Variants in ARHGAP35 observed in about 807,000 individuals in gnomAD.
The protein encoded by ARHGAP35 is Rho GTPase activating protein 35.
Under a neutral mutation model 111.1 loss-of-function variants are expected in ARHGAP35, and 15 were observed. That is an observed-to-expected ratio of 0.13 (90% CI 0.09 to 0.21). The LOEUF is 0.21. Among genes scored for constraint, ARHGAP35 ranks in the 10% least tolerant of loss-of-function variants. The pLI is 1.00. For synonymous variants in ARHGAP35, 643 were observed against 710.3 expected, an observed-to-expected ratio of 0.91 and a Z score of 1.51; for missense variants, 1,262 against 1,873.0, an observed-to-expected ratio of 0.67 and a Z score of 6.02.
rs762593594 is a variant in ARHGAP35 at position 46,922,363 on chromosome 19, C to T, written c.3681+7C>T. 2.5e-6 allele frequency: 4 copies of T among 1,577,284 alleles called. No individual in the cohort carries two copies. In the East Asian group the frequency reaches 9.0e-5, roughly 35 times the overall value. ...CCTAAGGAGGAACACTAAGGTAAGA[C>T]ACCAGTCTAGGATTAGTCATAGTGT... On this transcript the variant is annotated splice_region_variant and intron_variant, in intron 2 of 6. Coordinates refer to ENST00000672722, the MANE Select transcript of ARHGAP35 (RefSeq NM_004491.5). This position sits in a 1 kb window ranked among gnomAD's most constrained non-coding sequence, Gnocchi z 4.0.
intron 3 of ARHGAP35, among the ~76,000 whole-genome samples, chr19:46,965,963 C>T: frequency 1.3e-5 from 2 of 152,074 alleles, no homozygotes; most frequent in Non-Finnish European, 2.9e-5. Context: ...CATATTGCCC[C>T]CTAGAAGGAC....
At chr19:46,941,133 C>T (rs1385075176) in intron 3 of ARHGAP35, among the ~76,000 whole-genome samples, 1 of 151,834 alleles carries the variant, frequency 6.6e-6, no homozygotes, top group Non-Finnish European at 1.5e-5. Context: ...TAAAATTGTT[C>T]TACAAGAATG....
At position 47,002,273 on chromosome 19, in the gene ARHGAP35, G is replaced by GCTGCC. The variant is rs2056752528; in HGVS notation, c.*1592_*1596dup. 2 of 152,970 alleles carry GCTGCC rather than the reference G, an allele frequency of 1.3e-5. No homozygotes were observed. Among genetic ancestry groups the GCTGCC allele is most frequent in the East Asian group, 3.9e-4 (2 of 5,192 alleles). 9.5% of individuals were successfully genotyped at this position (152,970 alleles called of 1,614,324 possible). ...TGGACACCTTTCCCGGGCGTCTGCA[G>GCTGCC]CTGCCCTGCCCGTGCCCGCCTGCAG... On this transcript the variant is annotated 3_prime_UTR_variant, in exon 7 of 7. Coordinates refer to ENST00000672722, the MANE Select transcript of ARHGAP35 (RefSeq NM_004491.5).
intron 3 of ARHGAP35, among the ~76,000 whole-genome samples, chr19:46,944,669 G>A (rs114829358): frequency 1.1e-4 from 17 of 152,318 alleles, no homozygotes; most frequent in East Asian, 3.9e-4. Flanking sequence ...GAGGTGGCAC[G>A]TGGCAGTTTC....
Position 47,001,471 on chromosome 19 carries a change from C to A in ARHGAP35, c.*783C>A. On this transcript the variant is annotated 3_prime_UTR_variant, in exon 7 of 7. Transcript: ENST00000672722. This position sits in a 1 kb window ranked among gnomAD's most constrained non-coding sequence, Gnocchi z 5.4. Reference sequence around the variant, plus strand: ...AGATTCCACTCTGTGCCCGCCTCTGCCGGGAGGGAGGGAGGCACACAGGTG... The same window carrying A: ...AGATTCCACTCTGTGCCCGCCTCTGACGGGAGGGAGGGAGGCACACAGGTG... The A allele has an allele frequency of 8.6e-7, 1 of 1,161,820 alleles. No homozygotes were observed. Among genetic ancestry groups the A allele is most frequent in the Non-Finnish European group, 1.1e-6 (1 of 877,206 alleles). 72.0% of individuals were successfully genotyped at this position (1,161,820 alleles called of 1,614,324 possible).
intron 1 of ARHGAP35, among the ~76,000 whole-genome samples, chr19:46,863,372 G>T (rs957018177): frequency 1.3e-5 from 2 of 152,174 alleles, no homozygotes; most frequent in Non-Finnish European, 2.9e-5. Context: ...TGGAGTCTGG[G>T]AGTGTCTCCC....
chr19:46,990,665 G>A lies in ARHGAP35; in HGVS notation c.4036+990G>A, dbSNP rs115560957. On this transcript the variant is annotated intron_variant, in intron 5 of 6. Transcript: ENST00000672722. ...TTGTCACTGCCCACCTCTAAAGAGG[G>A]AGCTTTAAACAAGCACAATTTATTC... Among the ~76,000 whole-genome samples the A allele has an allele frequency of 1.6e-3, 250 of 152,312 alleles. 1 individual carries two copies. Among genetic ancestry groups the A allele is most frequent in the African/African-American group, 5.8e-3 (241 of 41,568 alleles).
rs2056697794 is a variant in ARHGAP35 at position 46,994,694 on chromosome 19, C to T, written c.4037-4610C>T. Among the ~76,000 whole-genome samples the T allele has an allele frequency of 6.6e-6, 1 of 152,138 alleles. No individual in the cohort carries two copies. On this transcript the variant is annotated intron_variant, in intron 5 of 6. Coordinates refer to ENST00000672722, the MANE Select transcript of ARHGAP35 (RefSeq NM_004491.5). This position sits in a 1 kb window ranked among gnomAD's most constrained non-coding sequence, Gnocchi z 5.4. ...AGAGAGGCACCCACTGGGTCCTTTC[C>T]CCTCTTTCCACTAGACCGTAAGCGG...
rs748316388 is a variant in ARHGAP35, at chr19:46,921,400, G to C, written c.2725G>C (p.Glu909Gln). 6.2e-7 allele frequency: 1 copy of C among 1,613,998 alleles called. No individual in the cohort carries two copies. The highest frequency in any genetic ancestry group is 8.5e-7 in the Non-Finnish European group (1 of 1,179,894). ...AAGTAGGGAACAGCTAACTGAGGGG[G>C]AGGAGATTGCTCAAGAAATTGACGG... ...DLSREQLTEG[E>Q]EIAQEIDGRF... is the part of the protein sequence containing the mutation. Residue 909 changes from glutamate to glutamine, a missense_variant, in exon 2 of 7, where the codon GAG becomes CAG. Glu to Gln is a conservative substitution (Grantham distance 29, BLOSUM62 2). Coordinates refer to ENST00000672722, the MANE Select transcript of ARHGAP35 (RefSeq NM_004491.5). This position sits in a 1 kb window ranked among gnomAD's most constrained non-coding sequence, Gnocchi z 4.3.
Position 46,937,538 on chromosome 19 carries a change from G to A in ARHGAP35, c.3826+130G>A, listed in dbSNP as rs530234684. The A allele has an allele frequency of 8.0e-5, 84 of 1,053,818 alleles. 1 individual carries two copies. The South Asian group carries it at 1.0e-3, about 13-fold the overall frequency. 65.3% of individuals were successfully genotyped at this position (1,053,818 alleles called of 1,614,324 possible). A position where few individuals can be genotyped will look rare whatever the true frequency, so the allele number is the denominator to read the frequency against. Reference sequence around the variant, plus strand: ...GAGATGCTCTTGGAGAAGGAGCTGAGCAGTCCCAACAGTTGTCAGATGTGT... The same window carrying A: ...GAGATGCTCTTGGAGAAGGAGCTGAACAGTCCCAACAGTTGTCAGATGTGT... On this transcript the variant is annotated intron_variant, in intron 3 of 6. Transcript: ENST00000672722.
chr19:46,914,356 G>A (rs2056153412), intron 1 of ARHGAP35, among the ~76,000 whole-genome samples: 1 of 152,176 alleles, frequency 6.6e-6, no homozygotes, highest in South Asian at 2.1e-4. Flanking sequence ...TATGATCCCA[G>A]CACTTTGGGA....
intron 3 of ARHGAP35, among the ~76,000 whole-genome samples, chr19:46,984,348 G>C (rs1398640477): frequency 6.6e-6 from 1 of 152,168 alleles, no homozygotes; most frequent in African/African-American, 2.4e-5. Context: ...GGGTGTTCTA[G>C]ACACAAATGC....
In ARHGAP35 at chr19:46,887,785, CA is replaced by C. The variant is rs113730813; in HGVS notation, c.-189+26577del. ...AACCAAAAACAAAATACATAAAGAT[CA>C]CCTAAAAAACAAAAAATGCAGCTTG... On this transcript the variant is annotated intron_variant, in intron 1 of 6. Transcript: ENST00000672722. Among the ~76,000 whole-genome samples the C allele has an allele frequency of 6.5e-3, 985 of 152,222 alleles. 5 individuals carry two copies. Among genetic ancestry groups the C allele is most frequent in the Middle Eastern group, 0.02 (6 of 294 alleles).
chr19:46,928,923 C>G (rs559000207), intron 2 of ARHGAP35, among the ~76,000 whole-genome samples: 1 of 149,326 alleles, frequency 6.7e-6, no homozygotes. Flanking sequence ...CAGAGGGAGA[C>G]GGTCTCAAAA....
intron 1 of ARHGAP35, among the ~76,000 whole-genome samples, chr19:46,873,532 G>A (rs2055899052): frequency 6.6e-6 from 1 of 151,538 alleles, no homozygotes; most frequent in Non-Finnish European, 1.5e-5. Context: ...CTGCTACTTG[G>A]GAGGCTGCGG....
intron 5 of ARHGAP35, among the ~76,000 whole-genome samples, chr19:46,998,133 A>C (rs1022742264): frequency 2.6e-5 from 4 of 151,838 alleles, no homozygotes; most frequent in Non-Finnish European, 5.9e-5. Flanking sequence ...AGAAAAGAAT[A>C]CTTGGTTCAG....
Position 46,992,375 on chromosome 19 carries a change from G to A in ARHGAP35, c.4036+2700G>A, listed in dbSNP as rs1044140500. Reference sequence around the variant, plus strand: ...GACAGAGCAAAGCTGAGCTTGAAGTGCACAAACCCCAGCAAGGAAGGCGCG... The same window carrying A: ...GACAGAGCAAAGCTGAGCTTGAAGTACACAAACCCCAGCAAGGAAGGCGCG... On this transcript the variant is annotated intron_variant, in intron 5 of 6. Coordinates refer to ENST00000672722, the MANE Select transcript of ARHGAP35 (RefSeq NM_004491.5). This position sits in a 1 kb window ranked among gnomAD's most constrained non-coding sequence, Gnocchi z 4.4. Among the ~76,000 whole-genome samples the A allele has an allele frequency of 1.3e-5, 2 of 152,222 alleles. No individual in the cohort carries two copies. The highest frequency in any genetic ancestry group is 4.8e-5 in the African/African-American group (2 of 41,454).
At chr19:46,967,236 A>G (rs926063627) in intron 3 of ARHGAP35, among the ~76,000 whole-genome samples, 3 of 151,962 alleles carry the variant, frequency 2.0e-5, no homozygotes, top group African/African-American at 7.3e-5. Context: ...TTTCATTTGG[A>G]AGAAGGATTT....
chr19:46,878,869 C>T (rs1011254937), intron 1 of ARHGAP35, among the ~76,000 whole-genome samples: 2 of 152,186 alleles, frequency 1.3e-5, no homozygotes, highest in Non-Finnish European at 1.5e-5. Context: ...CTGATGGCTT[C>T]TGACTCATGG....
Sources: allele counts gnomAD v4.1 joint callset (sites outside exome capture counted in the v4.1 genomes callset), GRCh38; gene constraint gnomAD v4.1.1; non-coding constraint Gnocchi (gnomAD v3.1); transcripts MANE v1.5; gene names NCBI Gene and HGNC (gene_info 2026-07-23, HGNC 2026-07-21).